Variants in SNTB1 observed in about 807,000 individuals in gnomAD.
SNTB1 encodes syntrophin beta 1, also known as beta-1-syntrophin.
Under a neutral mutation model 48.9 loss-of-function variants are expected in SNTB1, and 36 were observed. The observed-to-expected ratio is 0.74, with a 90% CI of 0.56 to 0.97. The LOEUF is 0.97. SNTB1 is among the 50% of genes least tolerant of loss of function. The pLI, the probability that SNTB1 is intolerant of heterozygous loss-of-function variation, is 0.00. For missense variants in SNTB1, 786 were observed against 703.4 expected (o/e 1.12, Z -1.33); for synonymous variants, 299 against 294.6 (o/e 1.01, Z -0.15).
chr8:120,711,867 A>G (rs1458603384), intron 1 of SNTB1, among the ~76,000 whole-genome samples: 2 of 152,194 alleles, frequency 1.3e-5, no homozygotes, highest in East Asian at 3.9e-4. Context: ...AAAAAAGAAA[A>G]CATTCATTTT....
chr8:120,709,064 G>T (rs1818421377), intron 1 of SNTB1, among the ~76,000 whole-genome samples: 1 of 151,992 alleles, frequency 6.6e-6, no homozygotes, highest in Non-Finnish European at 1.5e-5. Flanking sequence ...GAATAAGTGA[G>T]AGAGTGAAAA....
chr8:120,715,464 A>C (rs547611116), intron 1 of SNTB1, among the ~76,000 whole-genome samples: 152 of 152,354 alleles, frequency 1.0e-3, no homozygotes, highest in African/African-American at 3.5e-3. Context: ...TTGACATCAC[A>C]TGAGTTGTTT....
Position 120,642,064 on chromosome 8 carries a change from G to A in SNTB1, c.789-9413C>T, listed in dbSNP as rs534992287. Among the ~76,000 whole-genome samples the A allele has an allele frequency of 2.1e-4, 32 of 152,282 alleles. 1 individual carries two copies. In the South Asian group the frequency reaches 5.6e-3, roughly 27 times the overall value. On this transcript the variant is annotated intron_variant, in intron 2 of 6. Transcript: ENST00000517992. ...GCCTACTTAACTAGGAACTCTGGGG[G>A]TGGGGTCCAGCAATCATCCTCCAGG... is the stretch of plus-strand genomic sequence containing the variant.
intron 1 of SNTB1, among the ~76,000 whole-genome samples, chr8:120,800,554 G>C (rs1251494017): frequency 6.6e-6 from 1 of 152,028 alleles, no homozygotes; most frequent in Non-Finnish European, 1.5e-5. Context: ...ACAGCCCAAG[G>C]AGGATGGTCA....
intron 3 of SNTB1, among the ~76,000 whole-genome samples, chr8:120,585,494 C>A (rs1261558089): frequency 6.6e-6 from 1 of 152,250 alleles, no homozygotes; most frequent in East Asian, 1.9e-4. Context: ...CTAAGCCTCA[C>A]ATCTGCTTAA....
Position 120,811,978 on chromosome 8 carries a change from C to A in SNTB1, c.-135G>T. On this transcript the variant is annotated 5_prime_UTR_variant, in exon 1 of 7. Transcript: ENST00000517992. ...GGGGAGGTGGCGGCACGCGGGACTCCGCTCCGGGAGTTCGCAGACGCACTC... is the reference window on the plus strand; with the variant it reads ...GGGGAGGTGGCGGCACGCGGGACTCAGCTCCGGGAGTTCGCAGACGCACTC... 1 of 1,271,100 alleles carries A rather than the reference C, an allele frequency of 7.9e-7. No individual in the cohort carries two copies. Among genetic ancestry groups the A allele is most frequent in the Non-Finnish European group, 9.9e-7 (1 of 1,014,014 alleles). 78.7% of individuals were successfully genotyped at this position (1,271,100 alleles called of 1,614,324 possible). A position where few individuals can be genotyped will look rare whatever the true frequency, so the allele number is the denominator to read the frequency against.
intron 2 of SNTB1, among the ~76,000 whole-genome samples, chr8:120,668,426 T>C: frequency 6.6e-6 from 1 of 152,250 alleles, no homozygotes; most frequent in Non-Finnish European, 1.5e-5. Flanking sequence ...ACCATGCTTT[T>C]TCAGATAAAT....
chr8:120,659,293 G>A (rs1483185082), intron 2 of SNTB1, among the ~76,000 whole-genome samples: 5 of 151,972 alleles, frequency 3.3e-5, no homozygotes, highest in African/African-American at 1.2e-4. Flanking sequence ...ATCCTTTCTT[G>A]TCATGTCACC....
At chr8:120,762,957 G>T (rs1430113107) in intron 1 of SNTB1, among the ~76,000 whole-genome samples, 13 of 152,124 alleles carry the variant, frequency 8.5e-5, no homozygotes, top group Non-Finnish European at 1.9e-4. Flanking sequence ...CTATGTAGTA[G>T]GTAGTATTAC....
chr8:120,803,085 A>G (rs1820258499), intron 1 of SNTB1, among the ~76,000 whole-genome samples: 1 of 152,190 alleles, frequency 6.6e-6, no homozygotes, highest in Admixed American at 6.5e-5. Context: ...TAAATAGGAT[A>G]TGTCAAATGC....
chr8:120,691,127 T>G (rs1408007003), intron 2 of SNTB1, among the ~76,000 whole-genome samples: 1 of 152,234 alleles, frequency 6.6e-6, no homozygotes, highest in Non-Finnish European at 1.5e-5. Context: ...AATTAAGGTC[T>G]GATGTCTCCC....
intron 1 of SNTB1, among the ~76,000 whole-genome samples, chr8:120,810,234 G>A (rs1820402290): frequency 6.6e-6 from 1 of 152,098 alleles, no homozygotes; most frequent in South Asian, 2.1e-4. Flanking sequence ...ATAATTACAC[G>A]TTATTAGTGC....
At chr8:120,636,199 G>A (rs944216159) in intron 2 of SNTB1, among the ~76,000 whole-genome samples, 3 of 152,124 alleles carry the variant, frequency 2.0e-5, no homozygotes, top group African/African-American at 7.2e-5. Flanking sequence ...ATCACATGGT[G>A]AGGGTGCTGG....
intron 1 of SNTB1, among the ~76,000 whole-genome samples, chr8:120,792,125 A>C (rs1287603498): frequency 1.3e-5 from 2 of 151,788 alleles, no homozygotes; most frequent in African/African-American, 4.8e-5. Context: ...ACACACCCAC[A>C]CACACATACA....
intron 3 of SNTB1, among the ~76,000 whole-genome samples, chr8:120,628,744 A>T (rs1309179385): frequency 6.6e-6 from 1 of 151,936 alleles, no homozygotes; most frequent in African/African-American, 2.4e-5. Context: ...AGACAGAGCG[A>T]GACTCCATCT....
At chr8:120,647,089 A>C (rs1403635892) in intron 2 of SNTB1, among the ~76,000 whole-genome samples, 3 of 138,676 alleles carry the variant, frequency 2.2e-5, no homozygotes, top group African/African-American at 8.1e-5. Flanking sequence ...GCGGTCTATC[A>C]ATTTTGTTGA....
At chr8:120,686,581 A>G (rs1249786832) in intron 2 of SNTB1, among the ~76,000 whole-genome samples, 1 of 147,864 alleles carries the variant, frequency 6.8e-6, no homozygotes, top group African/African-American at 2.5e-5. Context: ...AGGTTTCAAT[A>G]TGTGAATTTG....
intron 4 of SNTB1, among the ~76,000 whole-genome samples, chr8:120,567,561 C>T (rs1452056850): frequency 1.2e-4 from 18 of 151,950 alleles, no homozygotes; most frequent in Admixed American, 1.1e-3. Context: ...ACTGGGACTA[C>T]AGGTGTGCAC....
intron 1 of SNTB1, among the ~76,000 whole-genome samples, chr8:120,699,602 C>T (rs762286056): frequency 1.3e-5 from 2 of 152,172 alleles, no homozygotes; most frequent in African/African-American, 4.8e-5. Flanking sequence ...CCTGCAGCAC[C>T]GTGAGCCAAT....
Sources: gnomAD v4.1 joint callset for allele counts (sites outside exome capture counted in the v4.1 genomes callset) on GRCh38, gnomAD v4.1.1 for gene constraint, MANE v1.5 for transcripts, NCBI Gene and HGNC (gene_info 2026-07-23, HGNC 2026-07-21) for gene names.